Variants in IGF1R observed in about 807,000 individuals in gnomAD.
IGF1R encodes the protein insulin-like growth factor 1 receptor.
IGF1R carries 44 observed loss-of-function variants against 144.6 expected under a neutral mutation model. The observed-to-expected ratio is 0.30, with a 90% confidence interval of 0.24 to 0.39. IGF1R has a LOEUF of 0.39. Among genes scored for constraint, IGF1R ranks in the 10% least tolerant of loss-of-function variants. The pLI, the probability that IGF1R is intolerant of heterozygous loss-of-function variation, is 1.00. For missense variants in IGF1R, 1,355 were observed against 1,833.7 expected, an observed-to-expected ratio of 0.74 and a Z score of 4.77; for synonymous variants, 795 against 722.8, an observed-to-expected ratio of 1.10 and a Z score of -1.60.
At chr15:98,715,945 C>T (rs2054104050) in intron 2 of IGF1R, among the ~76,000 whole-genome samples, 1 of 152,182 alleles carries the variant, frequency 6.6e-6, no homozygotes, top group Admixed American at 6.5e-5. Flanking sequence ...AACCAAAGTG[C>T]ACAGATGATC....
chr15:98,733,089 TG>T (rs1434697941), intron 2 of IGF1R, among the ~76,000 whole-genome samples: 1 of 152,202 alleles, frequency 6.6e-6, no homozygotes, highest in Non-Finnish European at 1.5e-5. Context: ...GGTGAACACC[TG>T]GCGTATCCCA....
At chr15:98,726,540 G>A (rs1310092424) in intron 2 of IGF1R, among the ~76,000 whole-genome samples, 3 of 151,980 alleles carry the variant, frequency 2.0e-5, no homozygotes, top group South Asian at 2.1e-4. Context: ...TTATATGAGC[G>A]GAGAACATCT....
intron 2 of IGF1R, among the ~76,000 whole-genome samples, chr15:98,770,965 A>G (rs2055569935): frequency 6.6e-6 from 1 of 152,214 alleles, no homozygotes; most frequent in African/African-American, 2.4e-5. Context: ...AAAAGGTCCC[A>G]GTTGTGTCTT....
At chr15:98,764,158 T>A (rs975286926) in intron 2 of IGF1R, among the ~76,000 whole-genome samples, 2 of 152,262 alleles carry the variant, frequency 1.3e-5, no homozygotes, top group African/African-American at 2.4e-5. Flanking sequence ...ACTACAGGAT[T>A]AGCTTTTCAT....
rs1190115563 is a variant in IGF1R, at chr15:98,957,177, A to G, written c.3839A>G (p.Tyr1280Cys). 1.9e-6 allele frequency: 3 copies of G among 1,614,218 alleles called. No homozygotes were observed. The highest frequency in any genetic ancestry group is 1.7e-6 in the Non-Finnish European group (2 of 1,180,034). Reference protein sequence around the residue: ...MEPGFREVSFYYSEENKLPEP... With the variant: ...MEPGFREVSFCYSEENKLPEP... ...CCTGGCTTCCGGGAGGTCTCCTTCT[A>G]CTACAGCGAGGAGAACAAGCTGCCC... Residue 1280 changes from tyrosine to cysteine, a missense_variant, in exon 21 of 21, where the codon TAC (tyrosine) becomes TGC (cysteine). Physicochemically the swap from Tyr to Cys is radical, Grantham distance 194. Transcript: ENST00000650285.
intron 2 of IGF1R, among the ~76,000 whole-genome samples, chr15:98,837,020 C>T (rs141237782): frequency 3.3e-5 from 5 of 152,202 alleles, no homozygotes; most frequent in East Asian, 1.9e-4. Context: ...TTCTGCTTTT[C>T]GCATTGTTAC....
chr15:98,803,815 T>C (rs1318010098), intron 2 of IGF1R, among the ~76,000 whole-genome samples: 1 of 152,194 alleles, frequency 6.6e-6, no homozygotes, highest in Non-Finnish European at 1.5e-5. Flanking sequence ...CACAGTTAAC[T>C]TTTTTAATAA....
At chr15:98,869,336 G>A (rs369570026) in intron 2 of IGF1R, among the ~76,000 whole-genome samples, 16 of 149,950 alleles carry the variant, frequency 1.1e-4, no homozygotes, top group African/African-American at 3.5e-4. Flanking sequence ...ACCACATACC[G>A]CATGGGTATT....
chr15:98,800,635 C>T (rs765377558), intron 2 of IGF1R, among the ~76,000 whole-genome samples: 3 of 152,182 alleles, frequency 2.0e-5, no homozygotes, highest in Non-Finnish European at 4.4e-5. Context: ...CCCAGCCCTC[C>T]CTCCACCTAT....
chr15:98,775,810 G>T (rs1015697445), intron 2 of IGF1R, among the ~76,000 whole-genome samples: 2 of 152,192 alleles, frequency 1.3e-5, no homozygotes, highest in Non-Finnish European at 2.9e-5. Flanking sequence ...GGGCTGGTTG[G>T]ATGATGAGAA....
rs930426623 is a variant in IGF1R at position 98,773,026 on chromosome 15, C to T, written c.640+64919C>T. On this transcript the variant is annotated intron_variant, in intron 2 of 20. Coordinates refer to ENST00000650285, the MANE Select transcript of IGF1R (RefSeq NM_000875.5). The stretch of plus-strand genomic sequence containing the variant: ...AGCATCTTACCACATATTTGCATGC[C>T]TCTCTTGAGTTAACTACTGGTGATG... 5.3e-5 allele frequency among the ~76,000 whole-genome samples: 8 copies of T among 152,248 alleles called. No individual in the cohort carries two copies. The South Asian group carries it at 8.3e-4, about 16-fold the overall frequency.
chr15:98,835,231 A>G (rs2057078857), intron 2 of IGF1R, among the ~76,000 whole-genome samples: 1 of 151,442 alleles, frequency 6.6e-6, no homozygotes, highest in Admixed American at 6.6e-5. Context: ...ACACACCAGG[A>G]TTTGAAGGCT....
chr15:98,951,979 C>T (rs7167580), intron 20 of IGF1R, among the ~76,000 whole-genome samples: 29,002 of 152,106 alleles, frequency 0.19, 3,249 homozygotes, highest in Middle Eastern at 0.31. Flanking sequence ...CCTGTGTTGT[C>T]ACAAAATATT....
At chr15:98,737,958 C>G (rs1246529738) in intron 2 of IGF1R, among the ~76,000 whole-genome samples, 1 of 152,190 alleles carries the variant, frequency 6.6e-6, no homozygotes, top group African/African-American at 2.4e-5. Flanking sequence ...GGTCCCGCAG[C>G]CGTTCCCACT....
intron 13 of IGF1R, 133 bp downstream of exon 13, chr15:98,924,817 C>T: frequency 2.3e-6 from 2 of 852,090 alleles, no homozygotes; most frequent in Non-Finnish European, 3.9e-6. Flanking sequence ...AAGGGTCATG[C>T]TAAGGTGCCG....
intron 2 of IGF1R, among the ~76,000 whole-genome samples, chr15:98,844,674 A>G (rs1001347284): frequency 2.6e-5 from 4 of 151,988 alleles, no homozygotes; most frequent in African/African-American, 4.8e-5. Context: ...TAATTATTAC[A>G]ATTTGATTTG....
At chr15:98,835,934 G>A (rs2057091941) in intron 2 of IGF1R, among the ~76,000 whole-genome samples, 2 of 152,220 alleles carry the variant, frequency 1.3e-5, no homozygotes, top group Non-Finnish European at 2.9e-5. Flanking sequence ...TACAGGGATT[G>A]TGAAGATAAT....
intron 2 of IGF1R, among the ~76,000 whole-genome samples, chr15:98,740,773 A>G (rs1173358536): frequency 6.6e-6 from 1 of 152,246 alleles, no homozygotes; most frequent in Non-Finnish European, 1.5e-5. Context: ...TCTAGGATCC[A>G]CACAGTTTAA....
In IGF1R at chr15:98,960,323, C is replaced by T. The variant is rs1209469979; in HGVS notation, c.*2881C>T. Reference sequence around the variant, plus strand: ...TTGTTTTGTTTTCTATCTTGGTTTCCACCAAGGTGTTAGATTTCTCCTCCT... The same window carrying T: ...TTGTTTTGTTTTCTATCTTGGTTTCTACCAAGGTGTTAGATTTCTCCTCCT... On this transcript the variant is annotated 3_prime_UTR_variant, in exon 21 of 21. Transcript: ENST00000650285. 1.7e-5 allele frequency: 4 copies of T among 233,044 alleles called. No homozygotes were observed. Among genetic ancestry groups the T allele is most frequent in the African/African-American group, 8.8e-5 (4 of 45,292 alleles). The allele number at this position is 233,044 out of a possible 1,614,324, so 14.4% of individuals were successfully genotyped here.
Sources: allele counts gnomAD v4.1 joint callset (sites outside exome capture counted in the v4.1 genomes callset), GRCh38; gene constraint gnomAD v4.1.1; transcripts MANE v1.5; gene names NCBI Gene and HGNC (gene_info 2026-07-23, HGNC 2026-07-21).